ACTA1: variants seen among roughly 807,000 people sequenced by gnomAD.
ACTA1 encodes the protein actin alpha 1, skeletal muscle.
ACTA1 carries 25 observed loss-of-function variants against 35.8 expected under a neutral mutation model. The observed-to-expected ratio is 0.70, with a 90% CI of 0.51 to 0.97. The LOEUF (loss-of-function observed/expected upper bound fraction) is 0.97, where lower values mean the gene tolerates loss of function less well. Among genes scored for constraint, ACTA1 ranks in the 50% least tolerant of loss-of-function variants. ACTA1 has a pLI of 0.00. For synonymous variants in ACTA1, 219 were observed against 217.1 expected (o/e 1.01, Z -0.08); for missense variants, 174 against 533.0 (o/e 0.33, Z 6.63).
rs756483510 is a variant in ACTA1, at chr1:229,432,215, C to T, written c.617-30G>A. On this transcript the variant is annotated intron_variant, in intron 4 of 6. Transcript: ENST00000366684. The stretch of plus-strand genomic sequence containing the variant: ...GGAGGGCAGAAGCAGGAGAGGAGCC[C>T]TCACTCAGGGGCCGCCGCCGGCCCT... The T allele has an allele frequency of 8.1e-6, 13 of 1,613,042 alleles. No homozygotes were observed. In the East Asian group the frequency reaches 2.7e-4, roughly 33 times the overall value.
chr1:229,433,203 G>C (rs1342940884), intron 1 of ACTA1, 76 bp from the exon 2 acceptor site: 1 of 1,598,002 alleles, frequency 6.3e-7, no homozygotes, highest in African/African-American at 1.3e-5. Flanking sequence ...GGGTAAGCCT[G>C]GCTGGCCCCG....
chr1:229,431,945 C>T lies in ACTA1; in HGVS notation c.809-43G>A. On this transcript the variant is annotated intron_variant, in intron 5 of 6. Coordinates refer to ENST00000366684, the MANE Select transcript of ACTA1 (RefSeq NM_001100.4). This position sits in a 1 kb window ranked among gnomAD's most constrained non-coding sequence, Gnocchi z 7.1. ...GAGCGTGAGCAGAAGCTCGGGGCGC[C>T]GGGGGCCGGCGGGGCCTGGGGGCCG... 1.2e-6 allele frequency: 2 copies of T among 1,605,238 alleles called. No homozygotes were observed. The highest frequency in any genetic ancestry group is 1.7e-6 in the Non-Finnish European group (2 of 1,176,086).
At chr1:229,432,241 C>G (rs1433259181) in intron 4 of ACTA1, 29 bp downstream of exon 4, 2 of 1,612,990 alleles carry the variant, frequency 1.2e-6, no homozygotes, top group East Asian at 2.2e-5. Flanking sequence ...CGCCGGCCCT[C>G]CCGCCCGGGG....
chr1:229,433,561 C>T (rs1234043848), intron 1 of ACTA1, among the ~76,000 whole-genome samples: 1 of 152,194 alleles, frequency 6.6e-6, no homozygotes, highest in Non-Finnish European at 1.5e-5. Flanking sequence ...AAGGAGATGC[C>T]CATGGGAAAG....
At position 229,433,139 on chromosome 1, in the gene ACTA1, G is replaced by C. The variant is rs976898702; in HGVS notation, c.-12-12C>G. On this transcript the variant is annotated splice_polypyrimidine_tract_variant and intron_variant, in intron 1 of 6. Transcript: ENST00000366684. ...ATTGTGTCTAGTTTCTGCAAGGACA[G>C]GGAGACCGCGAAGAGGCGCGGTGCA... 6 of 1,613,858 alleles carry C rather than the reference G, an allele frequency of 3.7e-6. No homozygotes were observed. In the African/African-American group the frequency reaches 8.0e-5, roughly 22 times the overall value.
In ACTA1 at chr1:229,432,680, G is replaced by T. The variant is rs777182854; in HGVS notation, c.330C>A (p.Ala110=). 4 of 1,614,162 alleles carry T rather than the reference G, an allele frequency of 2.5e-6. No homozygotes were observed. Among genetic ancestry groups the T allele is most frequent in the African/African-American group, 1.3e-5 (1 of 75,034 alleles). The change falls in exon 3 of 7, where the codon GCC becomes GCA. Residue 110 remains alanine, a synonymous_variant. Transcript: ENST00000366684. Reference sequence around the variant, plus strand: ...CGCGGTTGGCCTTGGGATTGAGGGGGGCCTCGGTGAGCAGGGTGGGGTGCT... The same window carrying T: ...CGCGGTTGGCCTTGGGATTGAGGGGTGCCTCGGTGAGCAGGGTGGGGTGCT... ...PEEHPTLLTE[A]PLNPKANREK... is the part of the protein sequence containing the mutation.
rs1397255499 is a variant in ACTA1 at position 229,433,101 on chromosome 1, G to A, written c.15C>T (p.Asp5=). 6.2e-7 allele frequency: 1 copy of A among 1,614,162 alleles called. No individual in the cohort carries two copies. Among genetic ancestry groups the A allele is most frequent in the South Asian group, 1.1e-5 (1 of 91,084 alleles). MCDE[D]ETTALVCDNG... ...TGTCGCACACGAGGGCGGTGGTCTC[G>A]TCTTCGTCGCACATTGTGTCTAGTT... The change falls in exon 2 of 7, where the codon GAC becomes GAT. Residue 5 remains aspartate, a synonymous_variant. Coordinates refer to ENST00000366684, the MANE Select transcript of ACTA1 (RefSeq NM_001100.4).
At chr1:229,432,238 C>T in intron 4 of ACTA1, 32 bp downstream of exon 4, 1 of 1,612,954 alleles carries the variant, frequency 6.2e-7, no homozygotes, top group Non-Finnish European at 8.5e-7. Context: ...CGCCGCCGGC[C>T]CTCCCGCCCG....
Position 229,431,725 on chromosome 1 carries a change from A to T in ACTA1, c.986T>A (p.Ile329Asn). The change falls in exon 6 of 7, where the codon ATC (isoleucine) becomes AAC (asparagine). Residue 329 changes from isoleucine to asparagine, a missense_variant. By Grantham distance (149) the Ile-to-Asn change is moderately radical. Transcript: ENST00000366684. This position sits in a 1 kb window ranked among gnomAD's most constrained non-coding sequence, Gnocchi z 7.1. ...CCCGCGCAGGCCACCACCCACCTTGATCTTCATGGTGCTGGGTGCCAGCGC... is the reference window on the plus strand; with the variant it reads ...CCCGCGCAGGCCACCACCCACCTTGTTCTTCATGGTGCTGGGTGCCAGCGC... ...ITALAPSTMK[I>N]KIIAPPERKY... is the part of the protein sequence containing the mutation. 1 of 1,614,076 alleles carries T rather than the reference A, an allele frequency of 6.2e-7. No individual in the cohort carries two copies. The highest frequency in any genetic ancestry group is 8.5e-7 in the Non-Finnish European group (1 of 1,179,986).
In ACTA1 at chr1:229,431,435, C is replaced by A; in HGVS notation, c.*64G>T. 2 of 1,610,254 alleles carry A rather than the reference C, an allele frequency of 1.2e-6. No individual in the cohort carries two copies. The highest frequency in any genetic ancestry group is 2.2e-5 in the South Asian group (2 of 90,974). ...AAGTGACTGCGGGGTGGCTGGAGCTCAGCCGCCCCCCCATTGAGAAGATTC... is the reference window on the plus strand; with the variant it reads ...AAGTGACTGCGGGGTGGCTGGAGCTAAGCCGCCCCCCCATTGAGAAGATTC... On this transcript the variant is annotated 3_prime_UTR_variant, in exon 7 of 7. Coordinates refer to ENST00000366684, the MANE Select transcript of ACTA1 (RefSeq NM_001100.4). This position sits in a 1 kb window ranked among gnomAD's most constrained non-coding sequence, Gnocchi z 7.1.
In ACTA1 at chr1:229,431,462, T is replaced by G. The variant is rs1433448236; in HGVS notation, c.*37A>C. The G allele has an allele frequency of 2.5e-6, 4 of 1,612,308 alleles. No homozygotes were observed. The highest frequency in any genetic ancestry group is 3.4e-6 in the Non-Finnish European group (4 of 1,179,994). On this transcript the variant is annotated 3_prime_UTR_variant, in exon 7 of 7. Coordinates refer to ENST00000366684, the MANE Select transcript of ACTA1 (RefSeq NM_001100.4). The surrounding 1 kb of genome is among the most constrained non-coding windows in gnomAD (Gnocchi z 7.1). Reference sequence around the variant, plus strand: ...GCCGCCCCCCCATTGAGAAGATTCGTCGTCCTGAGAAGTCGCGTGCTGGAG... The same window carrying G: ...GCCGCCCCCCCATTGAGAAGATTCGGCGTCCTGAGAAGTCGCGTGCTGGAG...
chr1:229,433,799 A>G (rs909740291), intron 1 of ACTA1, among the ~76,000 whole-genome samples: 3 of 152,270 alleles, frequency 2.0e-5, no homozygotes, highest in Non-Finnish European at 1.5e-5. Flanking sequence ...CAAAGGGGCT[A>G]GAGAAAAATT....
Position 229,433,086 on chromosome 1 carries a change from G to A in ACTA1, c.30C>T (p.Leu10=), listed in dbSNP as rs764600500. Residue 10 remains leucine (L), a synonymous_variant, in exon 2 of 7, where the codon CTC becomes CTT. Coordinates refer to ENST00000366684, the MANE Select transcript of ACTA1 (RefSeq NM_001100.4). MCDEDETTA[L]VCDNGSGLVK... is the part of the protein sequence containing the mutation. Reference sequence around the variant, plus strand: ...CCAGGCCGGAGCCATTGTCGCACACGAGGGCGGTGGTCTCGTCTTCGTCGC... The same window carrying A: ...CCAGGCCGGAGCCATTGTCGCACACAAGGGCGGTGGTCTCGTCTTCGTCGC... 14 of 1,614,050 alleles carry A rather than the reference G, an allele frequency of 8.7e-6. No homozygotes were observed. Among genetic ancestry groups the A allele is most frequent in the South Asian group, 1.1e-5 (1 of 91,092 alleles).
chr1:229,432,195 G>C lies in ACTA1; in HGVS notation c.617-10C>G. The stretch of plus-strand genomic sequence containing the variant: ...ACGATCTCGCGCTCAGCTGCGGAGG[G>C]CAGAAGCAGGAGAGGAGCCCTCACT... On this transcript the variant is annotated splice_polypyrimidine_tract_variant and intron_variant, in intron 4 of 6. Coordinates refer to ENST00000366684, the MANE Select transcript of ACTA1 (RefSeq NM_001100.4). The C allele has an allele frequency of 6.2e-7, 1 of 1,613,396 alleles. No individual in the cohort carries two copies.
Position 229,433,185 on chromosome 1 carries a change from G to T in ACTA1, c.-12-58C>A, listed in dbSNP as rs112586510. On this transcript the variant is annotated intron_variant, in intron 1 of 6. Transcript: ENST00000366684. ...GTGCATCAGCGCAGAAGTCTCAGCGGCAGGGGGGGGTAAGCCTGGCTGGCC... is the reference window on the plus strand; with the variant it reads ...GTGCATCAGCGCAGAAGTCTCAGCGTCAGGGGGGGGTAAGCCTGGCTGGCC... 1.2e-5 allele frequency: 19 copies of T among 1,594,344 alleles called. No individual in the cohort carries two copies. The South Asian group carries it at 1.9e-4, about 16-fold the overall frequency.
chr1:229,432,142 G>A lies in ACTA1; in HGVS notation c.660C>T (p.Tyr220=), dbSNP rs201823652. Residue 220 remains tyrosine, a synonymous_variant, in exon 5 of 7, where the codon TAC becomes TAT. Transcript: ENST00000366684. ...IVRDIKEKLC[Y]VALDFENEMA... ...TCTCGTTCTCGAAGTCCAGGGCCAC[G>A]TAGCACAGCTTCTCCTTGATGTCGC... The A allele has an allele frequency of 3.7e-6, 6 of 1,613,450 alleles. No individual in the cohort carries two copies. The Admixed American group carries it at 6.7e-5, about 18-fold the overall frequency.
chr1:229,431,652 A>G lies in ACTA1; in HGVS notation c.991-10T>C. ...CCGGCGGGGCGATGATCTGCAAGAC[A>G]GCGCGTGAGGTGGGGAGACCTCACC... On this transcript the variant is annotated splice_polypyrimidine_tract_variant and intron_variant, in intron 6 of 6. Transcript: ENST00000366684. This position sits in a 1 kb window ranked among gnomAD's most constrained non-coding sequence, Gnocchi z 7.1. 2 of 1,614,062 alleles carry G rather than the reference A, an allele frequency of 1.2e-6. No homozygotes were observed. Among genetic ancestry groups the G allele is most frequent in the South Asian group, 2.2e-5 (2 of 91,070 alleles).
At chr1:229,432,503 G>A (rs1659969176) in intron 3 of ACTA1, 53 bp downstream of exon 3, 2 of 1,481,448 alleles carry the variant, frequency 1.4e-6, no homozygotes, top group Non-Finnish European at 1.8e-6. Context: ...TAGCGGCGGG[G>A]GCGGGGGCGG....
In ACTA1 at chr1:229,431,967, G is replaced by GC; in HGVS notation, c.808+26dup. 6.2e-7 allele frequency: 1 copy of GC among 1,603,894 alleles called. No individual in the cohort carries two copies. Among genetic ancestry groups the GC allele is most frequent in the Non-Finnish European group, 8.5e-7 (1 of 1,175,366 alleles). Reference sequence around the variant, plus strand: ...CGCCGGGGGCCGGCGGGGCCTGGGGGCCGGGGCGAGGGCGAGCGGGGCTCA... The same window carrying GC: ...CGCCGGGGGCCGGCGGGGCCTGGGGGCCCGGGGCGAGGGCGAGCGGGGCTCA... On this transcript the variant is annotated intron_variant, in intron 5 of 6. Transcript: ENST00000366684. The surrounding 1 kb of genome is among the most constrained non-coding windows in gnomAD (Gnocchi z 7.1).
Sources: gnomAD v4.1 joint callset for allele counts (sites outside exome capture counted in the v4.1 genomes callset) on GRCh38, gnomAD v4.1.1 for gene constraint, Gnocchi (gnomAD v3.1) non-coding constraint, MANE v1.5 for transcripts, NCBI Gene and HGNC (gene_info 2026-07-23, HGNC 2026-07-21) for gene names.